Variants in TRMT11 observed in about 807,000 individuals in gnomAD.
TRMT11 encodes the protein tRNA methyltransferase 11.
In TRMT11, 53 loss-of-function variants were observed where a neutral mutation model predicts 62.8. That is an observed-to-expected ratio of 0.84 (90% CI 0.68 to 1.06). The LOEUF (loss-of-function observed/expected upper bound fraction) is 1.06. Ranked by LOEUF, TRMT11 falls within the 50% of genes least tolerant of loss-of-function variation. The pLI, the probability that TRMT11 is intolerant of heterozygous loss-of-function variation, is 0.00. For missense variants in TRMT11, 556 were observed against 553.4 expected (o/e 1.00, Z -0.05); for synonymous variants, 188 against 190.3 (o/e 0.99, Z 0.10).
chr6:126,151,806 T>TTTTCTTTCTTTC (rs754465295), intron 21 of TRMT11, among the ~76,000 whole-genome samples: 6,790 of 86,742 alleles, frequency 0.078, 423 homozygotes, highest in East Asian at 0.17. Flanking sequence ...CCTCTCTGTC[T>TTTTCTTTCTTTC]TTTCTTTCTT....
chr6:126,247,475 A>ATCTATCTG, the TRMT11 span, among the ~76,000 whole-genome samples: 6,205 of 147,580 alleles, frequency 0.042, 203 homozygotes, highest in African/African-American at 0.081. Flanking sequence ...CTATCTATCT[A>ATCTATCTG]TCTATCTATC....
intron 21 of TRMT11, among the ~76,000 whole-genome samples, chr6:126,150,843 G>A (rs1386115118): frequency 6.6e-6 from 1 of 152,182 alleles, no homozygotes; most frequent in East Asian, 1.9e-4. Flanking sequence ...AGGAAGGAAT[G>A]TTCTATTCCT....
chr6:126,140,641 T>C (rs1777907031), intron 21 of TRMT11, among the ~76,000 whole-genome samples: 1 of 152,130 alleles, frequency 6.6e-6, no homozygotes, highest in African/African-American at 2.4e-5. Flanking sequence ...ATAGGTATGC[T>C]AAAATTTCCA....
At chr6:126,183,050 C>T (rs1778484814) in intron 1 of TRMT11, among the ~76,000 whole-genome samples, 1 of 152,108 alleles carries the variant, frequency 6.6e-6, no homozygotes, top group Non-Finnish European at 1.5e-5. Flanking sequence ...ACCCATCCCT[C>T]CAACACCACC....
chr6:126,181,589 G>A lies in TRMT11; in HGVS notation n.143+4254G>A, dbSNP rs1778467386. Among the ~76,000 whole-genome samples, 3 of 152,286 alleles carry A rather than the reference G, an allele frequency of 2.0e-5. No individual in the cohort carries two copies. The South Asian group carries it at 6.2e-4, about 32-fold the overall frequency. ...AAGAAGGCTTTACCTTAAAAGGTCAGGAATGTAAATTGCCCAAGGTGAACT... is the reference window on the plus strand; with the variant it reads ...AAGAAGGCTTTACCTTAAAAGGTCAAGAATGTAAATTGCCCAAGGTGAACT... On this transcript the variant is annotated intron_variant and non_coding_transcript_variant, in intron 1 of 3. Transcript: ENST00000444229.
chr6:126,230,436 G>A, the TRMT11 span, among the ~76,000 whole-genome samples: 5,066 of 152,152 alleles, frequency 0.033, 247 homozygotes, highest in African/African-American at 0.11. Context: ...TCTGCCATAC[G>A]GGATCATTCT....
intron 16 of TRMT11, among the ~76,000 whole-genome samples, chr6:126,044,379 A>G (rs1256146590): frequency 6.6e-6 from 1 of 152,068 alleles, no homozygotes; most frequent in Non-Finnish European, 1.5e-5. Flanking sequence ...ATGCGGCATT[A>G]TTTCTGAGGG....
intron 21 of TRMT11, among the ~76,000 whole-genome samples, chr6:126,141,473 G>A (rs1259145677): frequency 6.6e-6 from 1 of 152,118 alleles, no homozygotes; most frequent in African/African-American, 2.4e-5. Flanking sequence ...ATTCAAGCAT[G>A]AATATATAGG....
intron 21 of TRMT11, among the ~76,000 whole-genome samples, chr6:126,160,094 A>G (rs1262616338): frequency 2.2e-4 from 33 of 152,160 alleles, no homozygotes; most frequent in Non-Finnish European, 1.5e-5. Flanking sequence ...GTCATGTTGG[A>G]TCAAGAAACC....
intron 21 of TRMT11, among the ~76,000 whole-genome samples, chr6:126,148,279 G>A (rs945317140): frequency 6.6e-6 from 1 of 152,176 alleles, no homozygotes; most frequent in African/African-American, 2.4e-5. Context: ...CTTCAAGGCC[G>A]AGCATATCAA....
chr6:126,188,289 T>C (rs1562344456), intron 1 of TRMT11, among the ~76,000 whole-genome samples: 1 of 151,740 alleles, frequency 6.6e-6, no homozygotes, highest in African/African-American at 2.4e-5. Context: ...AAATTGACAA[T>C]AAAAATCAAA....
chr6:126,107,996 C>T (rs1274846728), intron 17 of TRMT11, among the ~76,000 whole-genome samples: 1 of 152,140 alleles, frequency 6.6e-6, no homozygotes, highest in East Asian at 1.9e-4. Flanking sequence ...ATTATATGTC[C>T]TCGACACAGC....
At chr6:126,105,274 T>C (rs1777451002) in intron 17 of TRMT11, among the ~76,000 whole-genome samples, 2 of 152,232 alleles carry the variant, frequency 1.3e-5, no homozygotes, top group African/African-American at 2.4e-5. Flanking sequence ...TGCTCCATCA[T>C]CACCTTGCCC....
intron 12 of TRMT11, among the ~76,000 whole-genome samples, chr6:126,031,398 G>A (rs1001438591): frequency 1.3e-5 from 2 of 152,136 alleles, no homozygotes; most frequent in African/African-American, 4.8e-5. Flanking sequence ...ACAGACTAAG[G>A]CTTCTTATCC....
intron 17 of TRMT11, among the ~76,000 whole-genome samples, chr6:126,060,902 C>T (rs1320740466): frequency 6.6e-6 from 1 of 152,192 alleles, no homozygotes; most frequent in Non-Finnish European, 1.5e-5. Flanking sequence ...AGTTTCTGTG[C>T]TCAGGGATAT....
chr6:126,231,798 G>A, the TRMT11 span, among the ~76,000 whole-genome samples: 2 of 152,122 alleles, frequency 1.3e-5, no homozygotes, highest in African/African-American at 4.8e-5. Context: ...TGTGTTGCTT[G>A]GATTAACAAA....
chr6:126,223,661 T>A, the TRMT11 span, among the ~76,000 whole-genome samples: 4 of 152,180 alleles, frequency 2.6e-5, no homozygotes, highest in African/African-American at 9.7e-5. Flanking sequence ...TTGTATAGTA[T>A]CTTGCAAGGG....
intron 12 of TRMT11, among the ~76,000 whole-genome samples, chr6:126,031,224 A>C (rs1774131811): frequency 6.6e-6 from 1 of 152,200 alleles, no homozygotes; most frequent in Admixed American, 6.5e-5. Flanking sequence ...TATGAGAAAT[A>C]GGAAAAAAAG....
At chr6:126,198,983 A>T (rs569837762) in intron 2 of TRMT11, 5 of 152,332 alleles carry the variant, frequency 3.3e-5, no homozygotes, top group African/African-American at 1.2e-4. Context: ...CATGTTTGAA[A>T]GGTTTGTTTT....
Sources: gnomAD v4.1 joint callset for allele counts (sites outside exome capture counted in the v4.1 genomes callset) on GRCh38, gnomAD v4.1.1 for gene constraint, MANE v1.5 for transcripts, NCBI Gene and HGNC (gene_info 2026-07-23, HGNC 2026-07-21) for gene names.